PCDHA2: variants seen among roughly 807,000 people sequenced by gnomAD.
The protein encoded by PCDHA2 is protocadherin alpha 2.
PCDHA2 carries 58 observed loss-of-function variants against 66.0 expected under a neutral mutation model. The observed-to-expected ratio is 0.88, with a 90% CI of 0.71 to 1.09. The LOEUF (loss-of-function observed/expected upper bound fraction) is 1.09. Ranked by LOEUF, PCDHA2 falls within the 50% of genes least tolerant of loss-of-function variation. The pLI is 0.00. For synonymous variants in PCDHA2, 634 were observed against 554.0 expected (o/e 1.14, Z -2.03); for missense variants, 1,267 against 1,242.3 (o/e 1.02, Z -0.30).
At chr5:140,942,867 C>T (rs1023164811) in intron 1 of PCDHA2, among the ~76,000 whole-genome samples, 5 of 151,858 alleles carry the variant, frequency 3.3e-5, no homozygotes, top group Admixed American at 1.3e-4. Context: ...TTTGCTTTAG[C>T]ATGACAACTT....
At chr5:140,808,780 G>T (rs782481333) in intron 1 of PCDHA2, 13 of 1,612,576 alleles carry the variant, frequency 8.1e-6, no homozygotes, top group East Asian at 2.2e-5. Flanking sequence ...TAGAGCTGCT[G>T]CAGTTTCAGG....
At chr5:140,876,360 T>C in intron 1 of PCDHA2, 1 of 1,613,962 alleles carries the variant, frequency 6.2e-7, no homozygotes, top group Non-Finnish European at 8.5e-7. Context: ...TTTCAATAAA[T>C]CCAGACACAG....
At chr5:140,871,697 A>G (rs2053267729) in intron 1 of PCDHA2, 3 of 935,180 alleles carry the variant, frequency 3.2e-6, no homozygotes, top group Non-Finnish European at 3.1e-6. Flanking sequence ...GGCTTCTTTA[A>G]CCAATAAATG....
At chr5:141,002,174 C>T (rs2098063920) in intron 3 of PCDHA2, among the ~76,000 whole-genome samples, 1 of 152,224 alleles carries the variant, frequency 6.6e-6, no homozygotes, top group Non-Finnish European at 1.5e-5. Context: ...AGGCAGGCTC[C>T]AGAGTGCTGT....
chr5:140,927,299 T>C, intron 1 of PCDHA2: 4 of 1,614,086 alleles, frequency 2.5e-6, no homozygotes, highest in Middle Eastern at 1.6e-4. Context: ...ATCCCCGAGT[T>C]CCTGACGCCC....
chr5:140,801,759 G>A (rs782260016), intron 1 of PCDHA2: 1 of 1,613,810 alleles, frequency 6.2e-7, no homozygotes, highest in Non-Finnish European at 8.5e-7. Flanking sequence ...AAATGATGAG[G>A]AAATTAAATC....
chr5:140,899,904 C>A (rs1554188779), intron 1 of PCDHA2, among the ~76,000 whole-genome samples: 1 of 151,986 alleles, frequency 6.6e-6, no homozygotes, highest in African/African-American at 2.4e-5. Flanking sequence ...ACATCCTGGG[C>A]TCAAGCAATC....
At chr5:140,897,443 G>T (rs533610542) in intron 1 of PCDHA2, among the ~76,000 whole-genome samples, 75 of 150,100 alleles carry the variant, frequency 5.0e-4, no homozygotes, top group Middle Eastern at 3.5e-3. Flanking sequence ...GCAGTGTTTG[G>T]TTTTTTGTCC....
At chr5:140,989,565 G>A (rs782538666) in intron 3 of PCDHA2, among the ~76,000 whole-genome samples, 12 of 152,134 alleles carry the variant, frequency 7.9e-5, no homozygotes, top group South Asian at 4.1e-4. Context: ...TTGTGGCTCC[G>A]GCAAGCCCTG....
intron 1 of PCDHA2, among the ~76,000 whole-genome samples, chr5:140,944,925 A>T (rs1457519692): frequency 6.6e-6 from 1 of 152,158 alleles, no homozygotes; most frequent in African/African-American, 2.4e-5. Flanking sequence ...ATATTGGTTT[A>T]TGCCTTCTTT....
chr5:140,829,914 C>T (rs782449533), intron 1 of PCDHA2: 1 of 1,613,998 alleles, frequency 6.2e-7, no homozygotes, highest in Non-Finnish European at 8.5e-7. Flanking sequence ...GCGTGGCTTT[C>T]GTATGAGCTG....
In PCDHA2 at chr5:140,876,415, G is replaced by T; in HGVS notation, c.2388+79063G>T. On this transcript the variant is annotated intron_variant, in intron 1 of 3. Transcript: ENST00000526136. Reference sequence around the variant, plus strand: ...TGAACTGGATTTTGAAGAGAATAATGCCTATGAAATTCAGGTTAACGCCAT... The same window carrying T: ...TGAACTGGATTTTGAAGAGAATAATTCCTATGAAATTCAGGTTAACGCCAT... The T allele has an allele frequency of 2.5e-6, 4 of 1,613,960 alleles. 1 individual carries two copies. The highest frequency in any genetic ancestry group is 3.4e-6 in the Non-Finnish European group (4 of 1,179,898).
In PCDHA2 at chr5:141,011,182, G is replaced by C. The variant is rs887034679; in HGVS notation, c.*1245G>C. The C allele has an allele frequency of 6.5e-6, 1 of 153,494 alleles. No individual in the cohort carries two copies. Among genetic ancestry groups the C allele is most frequent in the African/African-American group, 2.4e-5 (1 of 41,364 alleles). The allele number at this position is 153,494 out of a possible 1,614,324, so 9.5% of individuals were successfully genotyped here. A position where few individuals can be genotyped will look rare whatever the true frequency, so the allele number is the denominator to read the frequency against. On this transcript the variant is annotated 3_prime_UTR_variant, in exon 4 of 4. Coordinates refer to ENST00000526136, the MANE Select transcript of PCDHA2 (RefSeq NM_018905.3). The stretch of plus-strand genomic sequence containing the variant: ...TATATATCAAGACCCAAAAATTGAA[G>C]AAAAATATTGTTTTCTCATACAGTG...
At chr5:140,882,658 G>T in intron 1 of PCDHA2, 4 of 1,614,148 alleles carry the variant, frequency 2.5e-6, no homozygotes, top group South Asian at 1.1e-5. Flanking sequence ...ACGACAACCC[G>T]CCCATATTCC....
At chr5:140,876,328 C>A in intron 1 of PCDHA2, 1 of 1,613,940 alleles carries the variant, frequency 6.2e-7, no homozygotes, top group Non-Finnish European at 8.5e-7. Flanking sequence ...AATGATTTTG[C>A]CAGTGAGTGA....
chr5:140,873,776 T>C (rs1001856431), intron 1 of PCDHA2, among the ~76,000 whole-genome samples: 13 of 152,208 alleles, frequency 8.5e-5, no homozygotes, highest in Non-Finnish European at 1.9e-4. Context: ...TTCTCCTGCC[T>C]CAGCTTTCCG....
chr5:140,971,203 T>A (rs1586466173), intron 1 of PCDHA2, among the ~76,000 whole-genome samples: 2 of 152,308 alleles, frequency 1.3e-5, no homozygotes, highest in Middle Eastern at 6.8e-3. Context: ...GGAAAGACAC[T>A]GTTACCCTCC....
At chr5:140,907,995 C>T (rs1441720086) in intron 1 of PCDHA2, among the ~76,000 whole-genome samples, 9 of 152,166 alleles carry the variant, frequency 5.9e-5, no homozygotes, top group African/African-American at 1.9e-4. Flanking sequence ...AGTCCTTAAC[C>T]ATCCAGCCAA....
chr5:140,935,447 A>G (rs542363713), intron 1 of PCDHA2, among the ~76,000 whole-genome samples: 1 of 152,364 alleles, frequency 6.6e-6, no homozygotes, highest in South Asian at 2.1e-4. Flanking sequence ...AAATAATATG[A>G]TACTGTAGCA....
Sources: gnomAD v4.1 joint callset for allele counts (sites outside exome capture counted in the v4.1 genomes callset) on GRCh38, gnomAD v4.1.1 for gene constraint, MANE v1.5 for transcripts, NCBI Gene and HGNC (gene_info 2026-07-23, HGNC 2026-07-21) for gene names.